Variants in DAB1 observed in about 807,000 individuals in gnomAD.
DAB1 encodes the protein disabled homolog 1.
Under a neutral mutation model 64.6 loss-of-function variants are expected in DAB1, and 15 were observed. The ratio of observed to expected loss-of-function variants is 0.23; its 90% CI spans 0.16 to 0.36. The LOEUF (loss-of-function observed/expected upper bound fraction) is 0.36, where lower values mean the gene tolerates loss of function less well. Ranked by LOEUF, DAB1 falls within the 10% of genes least tolerant of loss-of-function variation. The probability of loss-of-function intolerance (pLI) is 1.00; values close to 1 mark genes in which losing one functional copy is unlikely to be tolerated. For missense variants in DAB1, 596 were observed against 706.7 expected (o/e 0.84, Z 1.78); for synonymous variants, 235 against 251.9 (o/e 0.93, Z 0.64).
At chr1:58,045,950 T>C in intron 5 of DAB1, among the ~76,000 whole-genome samples, 1 of 135,648 alleles carries the variant, frequency 7.4e-6, no homozygotes, top group East Asian at 2.1e-4. Context: ...TTTTTTTTTT[T>C]TTTGGAGCCT....
intron 1 of DAB1, among the ~76,000 whole-genome samples, chr1:57,383,956 A>C (rs3861833): frequency 0.54 from 81,422 of 151,988 alleles, 22,734 homozygotes; most frequent in African/African-American, 0.63. Context: ...ACATGATCAA[A>C]AGAGTAATAA....
At chr1:57,553,000 T>C (rs1277924332) in intron 7 of DAB1, among the ~76,000 whole-genome samples, 1 of 151,990 alleles carries the variant, frequency 6.6e-6, no homozygotes, top group Non-Finnish European at 1.5e-5. Context: ...GAGACTGGGA[T>C]GGTTCCAGTC....
intron 2 of DAB1, among the ~76,000 whole-genome samples, chr1:57,167,937 G>A (rs1158835666): frequency 6.6e-6 from 1 of 152,154 alleles, no homozygotes; most frequent in Non-Finnish European, 1.5e-5. Flanking sequence ...GTGAATGAAG[G>A]TCACAGGCAG....
intron 4 of DAB1, among the ~76,000 whole-genome samples, chr1:58,250,319 G>C (rs1422485233): frequency 6.6e-6 from 1 of 152,206 alleles, no homozygotes; most frequent in Non-Finnish European, 1.5e-5. Flanking sequence ...AGCGGGCTCC[G>C]CTTTTGTTCC....
At chr1:57,233,255 CTTTT>C (rs1186221366) in intron 2 of DAB1, among the ~76,000 whole-genome samples, 5 of 60,808 alleles carry the variant, frequency 8.2e-5, no homozygotes, top group Non-Finnish European at 1.1e-4. Context: ...TGCTCCGATT[CTTTT>C]TTTTTTTTTT....
At chr1:57,182,107 G>C (rs7549359) in intron 2 of DAB1, among the ~76,000 whole-genome samples, 1 of 151,948 alleles carries the variant, frequency 6.6e-6, no homozygotes, top group Non-Finnish European at 1.5e-5. Flanking sequence ...GGATAGTCTC[G>C]ATCTCCTGAC....
chr1:57,084,189 T>G (rs1652831720), intron 4 of DAB1, among the ~76,000 whole-genome samples: 1 of 152,216 alleles, frequency 6.6e-6, no homozygotes, highest in African/African-American at 2.4e-5. Context: ...GGTGGCCCAC[T>G]GATTCAATAT....
chr1:57,569,692 C>T (rs1454938209), intron 7 of DAB1, among the ~76,000 whole-genome samples: 1 of 152,040 alleles, frequency 6.6e-6, no homozygotes, highest in African/African-American at 2.4e-5. Context: ...CACATGTATA[C>T]ATATGTAACA....
intron 5 of DAB1, among the ~76,000 whole-genome samples, chr1:58,076,065 C>A (rs1213153533): frequency 6.6e-6 from 1 of 151,984 alleles, no homozygotes; most frequent in East Asian, 1.9e-4. Context: ...CAATCAAATA[C>A]GGCCAAGGGA....
At chr1:57,558,042 CT>C (rs1645010943) in intron 7 of DAB1, among the ~76,000 whole-genome samples, 2 of 152,172 alleles carry the variant, frequency 1.3e-5, no homozygotes, top group South Asian at 4.1e-4. Flanking sequence ...CATGCACAGC[CT>C]TGCCAGATCT....
intron 4 of DAB1, among the ~76,000 whole-genome samples, chr1:58,317,599 CCA>C (rs1002749953): frequency 6.6e-6 from 1 of 152,168 alleles, no homozygotes; most frequent in Non-Finnish European, 1.5e-5. Flanking sequence ...GAACCAAGGA[CCA>C]CAGATGCAAC....
intron 3 of DAB1, among the ~76,000 whole-genome samples, chr1:58,385,265 C>T (rs1221878999): frequency 2.6e-5 from 4 of 152,182 alleles, no homozygotes; most frequent in Non-Finnish European, 5.9e-5. Flanking sequence ...TATGCCTCAA[C>T]AAAGCTAAAG....
intron 5 of DAB1, among the ~76,000 whole-genome samples, chr1:58,024,545 C>T (rs1044818890): frequency 6.6e-6 from 1 of 152,170 alleles, no homozygotes; most frequent in African/African-American, 2.4e-5. Context: ...GTGTCATGGG[C>T]TACAGTAATA....
chr1:58,507,579 C>T (rs1646008699), intron 2 of DAB1, among the ~76,000 whole-genome samples: 1 of 151,762 alleles, frequency 6.6e-6, no homozygotes, highest in African/African-American at 2.4e-5. Context: ...TATGGATATA[C>T]ATGTTTATAT....
chr1:57,887,280 C>T (rs1320918343), upstream of DAB1, among the ~76,000 whole-genome samples: 1 of 152,186 alleles, frequency 6.6e-6, no homozygotes, highest in African/African-American at 2.4e-5. Flanking sequence ...AATTCCTGCT[C>T]AGAATTGTGG....
downstream of DAB1, among the ~76,000 whole-genome samples, chr1:57,824,083 T>G (rs1018899123): frequency 6.6e-6 from 1 of 152,202 alleles, no homozygotes; most frequent in Non-Finnish European, 1.5e-5. Context: ...TTCTAAGCAT[T>G]TCTGTCAATT....
At chr1:57,625,779 G>A (rs952823446) in intron 7 of DAB1, among the ~76,000 whole-genome samples, 4 of 152,006 alleles carry the variant, frequency 2.6e-5, no homozygotes, top group African/African-American at 9.7e-5. Flanking sequence ...AGTGAAGACC[G>A]GGAATCAGGG....
intron 5 of DAB1, among the ~76,000 whole-genome samples, chr1:57,928,423 G>T (rs1219043609): frequency 6.6e-6 from 1 of 151,944 alleles, no homozygotes; most frequent in African/African-American, 2.4e-5. Flanking sequence ...AAGTACATTT[G>T]TTACAATTCA....
At chr1:57,057,901 C>T (rs1281011577) in intron 9 of DAB1, among the ~76,000 whole-genome samples, 4 of 152,164 alleles carry the variant, frequency 2.6e-5, no homozygotes, top group Middle Eastern at 3.2e-3. Context: ...AGCCACCGCG[C>T]CCGGCCTACT....
Sources: gnomAD v4.1 joint callset for allele counts (sites outside exome capture counted in the v4.1 genomes callset) on GRCh38, gnomAD v4.1.1 for gene constraint, MANE v1.5 for transcripts, NCBI Gene and HGNC (gene_info 2026-07-23, HGNC 2026-07-21) for gene names.